RECK: variants seen among roughly 807,000 people sequenced by gnomAD.
RECK encodes reversion-inducing cysteine-rich protein with Kazal motifs.
In RECK, 69 loss-of-function variants were observed where a neutral mutation model predicts 115.1. The ratio of observed to expected loss-of-function variants is 0.60; its 90% CI spans 0.49 to 0.73. The LOEUF (loss-of-function observed/expected upper bound fraction) is 0.73. Ranked by LOEUF, RECK falls within the 30% of genes least tolerant of loss-of-function variation. The pLI is 0.00. For missense variants in RECK, 1,047 were observed against 1,203.7 expected, an observed-to-expected ratio of 0.87 and a Z score of 1.93; for synonymous variants, 414 against 419.7, an observed-to-expected ratio of 0.99 and a Z score of 0.17.
Position 36,083,533 on chromosome 9 carries a change from A to C in RECK, c.608A>C (p.Gln203Pro). Residue 203 changes from glutamine (Q) to proline (P), a missense_variant, in exon 8 of 21, where the codon CAA (glutamine) becomes CCA (proline). Coordinates refer to ENST00000377966, the MANE Select transcript of RECK (RefSeq NM_021111.3). ...ATACATTGTGTGAACAATTATACTC[A>C]ATCTTATCCAATGAGGAACCCAACG... The part of the protein sequence containing the change: ...QLIHCVNNYT[Q>P]SYPMRNPTDS... 1 of 1,613,706 alleles carries C rather than the reference A, an allele frequency of 6.2e-7. No homozygotes were observed.
At chr9:36,115,954 C>A (rs187427174) in intron 16 of RECK, among the ~76,000 whole-genome samples, 6 of 152,184 alleles carry the variant, frequency 3.9e-5, no homozygotes, top group Admixed American at 6.5e-5. Context: ...GAATCATCAT[C>A]CCTAGCCCCT....
intron 6 of RECK, among the ~76,000 whole-genome samples, chr9:36,079,307 A>G (rs1822587245): frequency 6.6e-6 from 1 of 152,200 alleles, no homozygotes; most frequent in South Asian, 2.1e-4. Context: ...AAGTCACACT[A>G]AAAGAAGGAA....
Position 36,109,961 on chromosome 9 carries a change from T to G in RECK, c.1770T>G (p.His590Gln). Residue 590 changes from histidine to glutamine, a missense_variant, in exon 15 of 21, where the codon CAT (histidine) becomes CAG (glutamine). Coordinates refer to ENST00000377966, the MANE Select transcript of RECK (RefSeq NM_021111.3). ...SCIVGGKRKS[H>Q]GTSFSIDCNV... ...TTTTCTTTCTGTTTCTGTCAGGTCA[T>G]GGAACATCCTTTAGTATTGACTGCA... is the stretch of plus-strand genomic sequence containing the variant. 1 of 1,611,888 alleles carries G rather than the reference T, an allele frequency of 6.2e-7. No individual in the cohort carries two copies. The highest frequency in any genetic ancestry group is 8.5e-7 in the Non-Finnish European group (1 of 1,177,920).
chr9:36,097,782 T>C (rs1453527097), intron 10 of RECK, among the ~76,000 whole-genome samples: 4 of 152,212 alleles, frequency 2.6e-5, no homozygotes, highest in Non-Finnish European at 5.9e-5. Context: ...CAACCTGTAT[T>C]CATCAATGAA....
chr9:36,041,239 A>G (rs554791841), intron 1 of RECK, among the ~76,000 whole-genome samples: 2 of 152,224 alleles, frequency 1.3e-5, no homozygotes, highest in Non-Finnish European at 1.5e-5. Flanking sequence ...AGGAAAAAGC[A>G]TATGGTTTCA....
intron 2 of RECK, among the ~76,000 whole-genome samples, chr9:36,054,986 CA>C (rs1821463974): frequency 2.6e-5 from 4 of 152,074 alleles, no homozygotes; most frequent in Admixed American, 2.6e-4. Flanking sequence ...TGTTTAAAGA[CA>C]AAGGAAAAAT....
intron 10 of RECK, among the ~76,000 whole-genome samples, chr9:36,093,748 C>T (rs1823244970): frequency 6.6e-6 from 1 of 152,012 alleles, no homozygotes; most frequent in Non-Finnish European, 1.5e-5. Context: ...TTTTGGGAAA[C>T]CTTAGTAAAC....
At chr9:36,051,269 C>G (rs1266822122) in intron 1 of RECK, among the ~76,000 whole-genome samples, 1 of 152,154 alleles carries the variant, frequency 6.6e-6, no homozygotes, top group Non-Finnish European at 1.5e-5. Flanking sequence ...AACATTAGCT[C>G]TCTACTGCTC....
At chr9:36,109,583 C>G (rs1823953259) in intron 14 of RECK, among the ~76,000 whole-genome samples, 1 of 152,212 alleles carries the variant, frequency 6.6e-6, no homozygotes, top group African/African-American at 2.4e-5. Context: ...GTGGCTCATG[C>G]TTGTTATCCC....
chr9:36,107,992 A>G lies in RECK; in HGVS notation c.1593A>G (p.Glu531=). The G allele has an allele frequency of 6.2e-6, 10 of 1,611,918 alleles. No individual in the cohort carries two copies. The highest frequency in any genetic ancestry group is 8.5e-6 in the Non-Finnish European group (10 of 1,179,204). The change falls in exon 14 of 21, where the codon GAA becomes GAG. Residue 531 remains glutamate, a synonymous_variant. Transcript: ENST00000377966. ...YFCVQGCKLG[E]ASDFIVRQGT... is the part of the protein sequence containing the mutation. The stretch of plus-strand genomic sequence containing the variant: ...CTTGTACAGGTTGCAAACTGGGAGA[A>G]GCTTCTGATTTCATTGTCCGTCAAG...
chr9:36,106,158 C>G (rs1823802384), intron 13 of RECK, among the ~76,000 whole-genome samples: 1 of 134,868 alleles, frequency 7.4e-6, no homozygotes, highest in Non-Finnish European at 1.5e-5. Context: ...TGCAGTGAGC[C>G]AAGATCGCGC....
chr9:36,102,111 T>G lies in RECK; in HGVS notation c.1316T>G (p.Ile439Ser), dbSNP rs773419967. The G allele has an allele frequency of 6.2e-7, 1 of 1,612,874 alleles. No homozygotes were observed. Among genetic ancestry groups the G allele is most frequent in the Admixed American group, 1.7e-5 (1 of 59,750 alleles). Residue 439 changes from isoleucine to serine, a missense_variant, in exon 12 of 21, where the codon ATT becomes AGT. Coordinates refer to ENST00000377966, the MANE Select transcript of RECK (RefSeq NM_021111.3). Reference protein sequence around the residue: ...SIICKSDCVEILKKCGDQNKF... With the variant: ...SIICKSDCVESLKKCGDQNKF... Reference sequence around the variant, plus strand: ...TTTTCAAGATCAGATTGTGTGGAGATTCTTAAAAAATGTGGAGACCAGAAC... The same window carrying G: ...TTTTCAAGATCAGATTGTGTGGAGAGTCTTAAAAAATGTGGAGACCAGAAC...
intron 2 of RECK, among the ~76,000 whole-genome samples, chr9:36,057,751 G>A (rs1241317619): frequency 6.6e-6 from 1 of 152,172 alleles, no homozygotes; most frequent in East Asian, 1.9e-4. Flanking sequence ...AGCCTGGGAA[G>A]TGGAGGTTAC....
intron 7 of RECK, among the ~76,000 whole-genome samples, chr9:36,082,835 CT>C (rs1290572299): frequency 9.2e-5 from 14 of 152,090 alleles, no homozygotes; most frequent in Non-Finnish European, 1.5e-4. Flanking sequence ...TTAAATGATC[CT>C]TACATCACTT....
rs969520316 is a variant in RECK, at chr9:36,080,705, C to A, written c.439+67C>A. The A allele has an allele frequency of 1.3e-5, 18 of 1,406,086 alleles. No individual in the cohort carries two copies. In the African/African-American group the frequency reaches 2.1e-4, roughly 17 times the overall value. The allele number at this position is 1,406,086 out of a possible 1,614,324, so 87.1% of individuals were successfully genotyped here. On this transcript the variant is annotated intron_variant, in intron 7 of 20. Transcript: ENST00000377966. ...ATAATTAGCCATCTGAAGCAATGTG[C>A]ACAGCAGGATTCCGATAGGCTCTTT...
At chr9:36,056,333 G>A (rs996136326) in intron 2 of RECK, among the ~76,000 whole-genome samples, 2 of 151,864 alleles carry the variant, frequency 1.3e-5, no homozygotes, top group Admixed American at 1.3e-4. Flanking sequence ...TATTTAAAAG[G>A]TTTTTTTAGT....
chr9:36,088,741 G>C (rs368967099), intron 9 of RECK, among the ~76,000 whole-genome samples: 1 of 152,204 alleles, frequency 6.6e-6, no homozygotes, highest in Non-Finnish European at 1.5e-5. Flanking sequence ...CATGAAGGTC[G>C]GGCGCGGTGG....
At chr9:36,044,601 C>T (rs1186430642) in intron 1 of RECK, among the ~76,000 whole-genome samples, 1 of 152,140 alleles carries the variant, frequency 6.6e-6, no homozygotes, top group East Asian at 1.9e-4. Context: ...CCAAGAGAAC[C>T]CACATGAAAT....
intron 5 of RECK, among the ~76,000 whole-genome samples, chr9:36,064,843 A>G (rs537514366): frequency 6.6e-6 from 1 of 152,292 alleles, no homozygotes; most frequent in East Asian, 1.9e-4. Flanking sequence ...AACAGGAAGA[A>G]TGGAGCAAGG....
Sources: allele counts gnomAD v4.1 joint callset (sites outside exome capture counted in the v4.1 genomes callset), GRCh38; gene constraint gnomAD v4.1.1; transcripts MANE v1.5; gene names NCBI Gene and HGNC (gene_info 2026-07-23, HGNC 2026-07-21).